SHROOM2: variants seen among roughly 807,000 people sequenced by gnomAD.
SHROOM2 encodes shroom family member 2.
In SHROOM2, 33 loss-of-function variants were observed where a neutral mutation model predicts 75.9. The ratio of observed to expected loss-of-function variants is 0.43; its 90% CI spans 0.33 to 0.58. SHROOM2 has a LOEUF of 0.58. Ranked by LOEUF, SHROOM2 falls within the 20% of genes least tolerant of loss-of-function variation. The pLI is 0.04. For missense variants in SHROOM2, 1,434 were observed against 1,461.2 expected (o/e 0.98, Z 0.30); for synonymous variants, 655 against 663.6 (o/e 0.99, Z 0.20).
intron 6 of SHROOM2, among the ~76,000 whole-genome samples, chrX:9,935,048 C>G (rs2084687480): frequency 9.0e-6 from 1 of 111,687 alleles, no homozygotes; most frequent in Non-Finnish European, 1.9e-5. Context: ...GCTGGGATTA[C>G]AGGGGCAAGC....
intron 5 of SHROOM2, among the ~76,000 whole-genome samples, chrX:9,908,784 T>G (rs2084404771): frequency 9.2e-6 from 1 of 108,496 alleles, no homozygotes; most frequent in African/African-American, 3.4e-5. Context: ...AGACCCCATC[T>G]CTACAAAAAA....
At chrX:9,824,787 A>T (rs2083879726) in intron 1 of SHROOM2, among the ~76,000 whole-genome samples, 1 of 111,462 alleles carries the variant, frequency 9.0e-6, no homozygotes, top group Non-Finnish European at 1.9e-5. Flanking sequence ...TGAACTGTGC[A>T]GGGTCTTAGC....
chrX:9,810,569 G>A (rs1190158281), intron 1 of SHROOM2, among the ~76,000 whole-genome samples: 1 of 110,485 alleles, frequency 9.1e-6, no homozygotes, highest in African/African-American at 3.3e-5. Flanking sequence ...TCTCCTGGTG[G>A]CAGCGTTCCT....
At chrX:9,814,458 C>T (rs1016766265) in intron 1 of SHROOM2, among the ~76,000 whole-genome samples, 1 of 111,073 alleles carries the variant, frequency 9.0e-6, no homozygotes, top group Admixed American at 9.6e-5. Flanking sequence ...TCGAGTGTAG[C>T]GCACCTCCTC....
intron 1 of SHROOM2, among the ~76,000 whole-genome samples, chrX:9,794,370 CTTCTT>C (rs1213895953): frequency 9.6e-6 from 1 of 103,733 alleles, no homozygotes; most frequent in Non-Finnish European, 2.1e-5. Context: ...CTTCTCTTCT[CTTCTT>C]TTCTTTTTTC....
intron 1 of SHROOM2, among the ~76,000 whole-genome samples, chrX:9,823,394 C>T (rs1279356342): frequency 1.8e-5 from 2 of 110,621 alleles, no homozygotes; most frequent in Non-Finnish European, 3.8e-5. Flanking sequence ...AGGCTTGTGT[C>T]ACCATGCCTG....
intron 1 of SHROOM2, among the ~76,000 whole-genome samples, chrX:9,872,976 T>C (rs1201134826): frequency 8.9e-6 from 1 of 112,550 alleles, no homozygotes; most frequent in African/African-American, 3.2e-5. Flanking sequence ...TGCTACATGC[T>C]ACAACGTAGA....
At chrX:9,915,796 A>AT (rs1353674686) in intron 5 of SHROOM2, among the ~76,000 whole-genome samples, 2 of 112,398 alleles carry the variant, frequency 1.8e-5, no homozygotes, top group Admixed American at 1.9e-4. Flanking sequence ...TAAACAATCC[A>AT]TTTCCGATTC....
intron 1 of SHROOM2, among the ~76,000 whole-genome samples, chrX:9,822,312 A>T (rs1266905203): frequency 9.2e-6 from 1 of 109,259 alleles, no homozygotes; most frequent in Admixed American, 9.7e-5. Context: ...AGGGGGGAGG[A>T]GGCTGCAGTG....
intron 1 of SHROOM2, among the ~76,000 whole-genome samples, chrX:9,843,038 A>G (rs1284031820): frequency 1.8e-5 from 2 of 111,592 alleles, no homozygotes; most frequent in Non-Finnish European, 3.8e-5. Flanking sequence ...GGTGCTGGTC[A>G]CTCTTGGGGC....
chrX:9,859,921 G>A lies in SHROOM2; in HGVS notation c.166-13731G>A, dbSNP rs187819877. ...AGACGGCTGCCTGTTTCCTGCCGTG[G>A]TAAATGGATTTTACAGGGCAGGAGG... On this transcript the variant is annotated intron_variant, in intron 1 of 9. Coordinates refer to ENST00000380913, the MANE Select transcript of SHROOM2 (RefSeq NM_001649.4). Among the ~76,000 whole-genome samples, 131 of 111,835 alleles carry A rather than the reference G, an allele frequency of 1.2e-3. 1 individual carries two copies. In the Admixed American group the frequency reaches 0.012, roughly 11 times the overall value.
intron 1 of SHROOM2, among the ~76,000 whole-genome samples, chrX:9,861,346 A>C (rs969624478): frequency 9.0e-6 from 1 of 111,731 alleles, no homozygotes; most frequent in African/African-American, 3.3e-5. Flanking sequence ...TTAAAAACAA[A>C]ATCATAGAAA....
At chrX:9,943,838 T>C (rs1321958579) in intron 8 of SHROOM2, among the ~76,000 whole-genome samples, 1 of 112,344 alleles carries the variant, frequency 8.9e-6, no homozygotes, top group Non-Finnish European at 1.9e-5. Context: ...TATATGCTAG[T>C]ATTAGCAATT....
chrX:9,882,140 A>G (rs2084234580), intron 2 of SHROOM2, among the ~76,000 whole-genome samples: 2 of 105,158 alleles, frequency 1.9e-5, no homozygotes, highest in African/African-American at 6.9e-5. Context: ...TATACATAGC[A>G]TAGCATTTAG....
chrX:9,939,094 C>T (rs2084743557), intron 7 of SHROOM2, 101 bp from the exon 8 acceptor site: 2 of 702,521 alleles, frequency 2.8e-6, no homozygotes, highest in Non-Finnish European at 4.0e-6. Flanking sequence ...GGTGTCCTTT[C>T]GTGAGCACCA....
intron 1 of SHROOM2, among the ~76,000 whole-genome samples, chrX:9,851,122 C>T (rs1170383691): frequency 9.0e-6 from 1 of 111,681 alleles, no homozygotes; most frequent in East Asian, 2.8e-4. Context: ...GGTCCTCCCA[C>T]CTCAGCCTTC....
chrX:9,792,612 T>C (rs1372325491), intron 1 of SHROOM2, among the ~76,000 whole-genome samples: 2 of 110,303 alleles, frequency 1.8e-5, no homozygotes, highest in Non-Finnish European at 3.8e-5. Context: ...AAGGTGACTT[T>C]CAGATCAAAG....
chrX:9,942,583 A>T (rs750255306), intron 8 of SHROOM2, among the ~76,000 whole-genome samples: 1 of 111,917 alleles, frequency 8.9e-6, no homozygotes, highest in South Asian at 3.7e-4. Context: ...TACATCTATG[A>T]TAAAGAATGT....
At chrX:9,831,184 C>T (rs989494315) in intron 1 of SHROOM2, among the ~76,000 whole-genome samples, 2 of 112,027 alleles carry the variant, frequency 1.8e-5, no homozygotes, top group Non-Finnish European at 3.8e-5. Flanking sequence ...ATGGCACTAT[C>T]GACATTTGGG....
Sources: gnomAD v4.1 joint callset for allele counts (sites outside exome capture counted in the v4.1 genomes callset) on GRCh38, gnomAD v4.1.1 for gene constraint, MANE v1.5 for transcripts, NCBI Gene and HGNC (gene_info 2026-07-23, HGNC 2026-07-21) for gene names.